Variants in FANCD2 observed in about 807,000 individuals in gnomAD.
FANCD2 encodes the protein FA complementation group D2, also known as Fanconi anemia group D2 protein.
Under a neutral mutation model 192.3 loss-of-function variants are expected in FANCD2, and 131 were observed. The ratio of observed to expected loss-of-function variants is 0.68; its 90% CI spans 0.59 to 0.79. The LOEUF is 0.79. Ranked by LOEUF, FANCD2 falls within the 30% of genes least tolerant of loss-of-function variation. FANCD2 has a pLI of 0.00. For synonymous variants in FANCD2, 524 were observed against 612.5 expected (o/e 0.86, Z 2.13); for missense variants, 1,508 against 1,701.6 (o/e 0.89, Z 2.00).
At chr3:10,039,149 A>G (rs1559372855) in intron 7 of FANCD2, 130 bp from the exon 8 acceptor site, 3 of 619,232 alleles carry the variant, frequency 4.8e-6, no homozygotes, top group East Asian at 5.6e-5. Context: ...TGTCTAGTGC[A>G]GTGCCGAATG....
In FANCD2 at chr3:10,034,108, G is replaced by A. The variant is rs569367578; in HGVS notation, c.206-361G>A. Among the ~76,000 whole-genome samples, 429 of 150,660 alleles carry A rather than the reference G, an allele frequency of 2.8e-3. 1 individual carries two copies. The highest frequency in any genetic ancestry group is 4.9e-3 in the Non-Finnish European group (333 of 67,586). ...GGAGGCTGAGGAGGGTGGATCACGA[G>A]GTCAGGAAATCGAGACCATCCTGGC... On this transcript the variant is annotated intron_variant, in intron 3 of 43. Coordinates refer to ENST00000675286, the MANE Select transcript of FANCD2 (RefSeq NM_001018115.3).
rs1693427580 is a variant in FANCD2, at chr3:10,074,526, A to G, written c.2716-4A>G. On this transcript the variant is annotated splice_polypyrimidine_tract_variant and splice_region_variant and intron_variant, in intron 28 of 43. Coordinates refer to ENST00000675286, the MANE Select transcript of FANCD2 (RefSeq NM_001018115.3). ...TTCTCTTTGTTGCTGTGACTTCCCC[A>G]TAGGAGTTCACAGGGAAGGAAGAAA... 1 of 1,612,106 alleles carries G rather than the reference A, an allele frequency of 6.2e-7. No individual in the cohort carries two copies. The highest frequency in any genetic ancestry group is 1.1e-5 in the South Asian group (1 of 91,016).
intron 7 of FANCD2, among the ~76,000 whole-genome samples, chr3:10,038,037 C>A (rs1305653437): frequency 6.6e-6 from 1 of 152,172 alleles, no homozygotes; most frequent in Non-Finnish European, 1.5e-5. Flanking sequence ...GTTGCCCAGG[C>A]TAGAGTACAG....
chr3:10,076,669 C>G (rs986578196), intron 29 of FANCD2, among the ~76,000 whole-genome samples: 4 of 152,124 alleles, frequency 2.6e-5, no homozygotes, highest in African/African-American at 9.7e-5. Context: ...CCCACCTCAG[C>G]CTTCCAAGTA....
chr3:10,031,833 A>G (rs2086610108), intron 2 of FANCD2, among the ~76,000 whole-genome samples: 1 of 152,114 alleles, frequency 6.6e-6, no homozygotes, highest in Non-Finnish European at 1.5e-5. Flanking sequence ...TAACTCTGGT[A>G]TATGGCATGG....
intron 19 of FANCD2, 105 bp downstream of exon 19, chr3:10,060,508 A>C: frequency 1.2e-6 from 1 of 832,826 alleles, no homozygotes; most frequent in Non-Finnish European, 2.0e-6. Flanking sequence ...TACAACTATA[A>C]ATGAGCAAAT....
chr3:10,091,013 G>A (rs973675493), intron 37 of FANCD2, among the ~76,000 whole-genome samples: 5 of 151,952 alleles, frequency 3.3e-5, no homozygotes, highest in African/African-American at 1.2e-4. Context: ...TAACCAGAAC[G>A]GAGCTAGACA....
intron 39 of FANCD2, 89 bp downstream of exon 39, chr3:10,093,412 C>G (rs1694768355): frequency 1.8e-6 from 2 of 1,138,972 alleles, no homozygotes; most frequent in South Asian, 1.2e-5. Context: ...TGCTCAATTT[C>G]TTGCCCACAA....
chr3:10,077,574 C>A (rs1693605482), intron 29 of FANCD2, among the ~76,000 whole-genome samples: 1 of 151,040 alleles, frequency 6.6e-6, no homozygotes, highest in Non-Finnish European at 1.5e-5. Flanking sequence ...ATTTTTTTTT[C>A]ACCCATTGGG....
intron 18 of FANCD2, 105 bp from the exon 19 acceptor site, chr3:10,060,189 G>A: frequency 1.4e-6 from 1 of 691,564 alleles, no homozygotes; most frequent in Non-Finnish European, 2.5e-6. Context: ...AAAACAGTTA[G>A]TAAACGGTAA....
In FANCD2 at chr3:10,067,254, A is replaced by G. The variant is rs2125038995; in HGVS notation, c.2431A>G (p.Lys811Glu). 1 of 1,613,754 alleles carries G rather than the reference A, an allele frequency of 6.2e-7. No homozygotes were observed. Among genetic ancestry groups the G allele is most frequent in the Non-Finnish European group, 8.5e-7 (1 of 1,179,694 alleles). Residue 811 changes from lysine (K) to glutamate (E), a missense_variant, in exon 26 of 44, where the codon AAG becomes GAG. This residue lies in a region of FANCD2 where 796 missense variants were observed against 879.4 expected (regional missense o/e 0.91). Coordinates refer to ENST00000675286, the MANE Select transcript of FANCD2 (RefSeq NM_001018115.3). ...CQETSPEMKG[K>E]VLTRLKHIVE... is the part of the protein sequence containing the mutation. ...GGAAACATCACCTGAGATGAAGGGG[A>G]AGGTGCTCACTCGGTTAAAGCACAT...
Position 10,101,268 on chromosome 3 carries a change from A to T in FANCD2, c.*6A>T, listed in dbSNP as rs1337123352. 5 of 1,599,902 alleles carry T rather than the reference A, an allele frequency of 3.1e-6. No homozygotes were observed. In the Admixed American group the frequency reaches 6.7e-5, roughly 21 times the overall value. On this transcript the variant is annotated 3_prime_UTR_variant, in exon 44 of 44. Coordinates refer to ENST00000675286, the MANE Select transcript of FANCD2 (RefSeq NM_001018115.3). Reference sequence around the variant, plus strand: ...GTTATGATGACTCTGATTAGACCCCAGATAAATTGTTGCCTGCTTCTGTGT... The same window carrying T: ...GTTATGATGACTCTGATTAGACCCCTGATAAATTGTTGCCTGCTTCTGTGT...
Position 10,085,906 on chromosome 3 carries a change from T to G in FANCD2, c.3319T>G (p.Leu1107Val), listed in dbSNP as rs1325146733. ...GAAACAGGGAGAACACAGCCAGCCT[T>G]TGGAGGAACTACTCAGGTGAGTCAT... is the stretch of plus-strand genomic sequence containing the variant. ...RLKQGEHSQPLEELLSQSVHY... is the reference protein window; with the variant it reads ...RLKQGEHSQPVEELLSQSVHY... The change falls in exon 33 of 44, where the codon TTG (leucine) becomes GTG (valine). Residue 1107 changes from leucine to valine, a missense_variant. Physicochemically the swap from Leu to Val is conservative, Grantham distance 32 (BLOSUM62 1). Coordinates refer to ENST00000675286, the MANE Select transcript of FANCD2 (RefSeq NM_001018115.3). The G allele has an allele frequency of 1.9e-6, 3 of 1,610,450 alleles. No individual in the cohort carries two copies. The highest frequency in any genetic ancestry group is 1.7e-4 in the Middle Eastern group (1 of 6,054).
intron 41 of FANCD2, 75 bp downstream of exon 41, chr3:10,095,349 G>A (rs547227726): frequency 1.7e-6 from 2 of 1,167,002 alleles, no homozygotes; most frequent in East Asian, 4.9e-5. Flanking sequence ...GGATCCATGG[G>A]CTACCATCCT....
intron 30 of FANCD2, among the ~76,000 whole-genome samples, chr3:10,080,877 T>G (rs1434537181): frequency 6.6e-6 from 1 of 152,232 alleles, no homozygotes; most frequent in South Asian, 2.1e-4. Flanking sequence ...GCTATATGTC[T>G]CAATCAAACA....
intron 3 of FANCD2, 89 bp from the exon 4 acceptor site, chr3:10,034,380 A>G: frequency 1.4e-6 from 1 of 710,208 alleles, no homozygotes; most frequent in Non-Finnish European, 2.5e-6. Flanking sequence ...AAATATTTTT[A>G]TTGGTTTCAT....
At chr3:10,098,430 C>T (rs1575876258) in intron 42 of FANCD2, among the ~76,000 whole-genome samples, 1 of 152,176 alleles carries the variant, frequency 6.6e-6, no homozygotes, top group East Asian at 1.9e-4. Flanking sequence ...TGTTCAGCAT[C>T]GACTTAGAGT....
At position 10,060,354 on chromosome 3, in the gene FANCD2, A is replaced by G. The variant is rs766529679; in HGVS notation, c.1717A>G (p.Ile573Val). The change falls in exon 19 of 44, where the codon ATT (isoleucine) becomes GTT (valine). Residue 573 changes from isoleucine (I) to valine (V), a missense_variant. Ile to Val is a conservative substitution (Grantham distance 29). Around this residue, in one of 5 missense-constraint regions of FANCD2, gnomAD observed 110 missense variants for 114.4 expected, o/e 0.96. Transcript: ENST00000675286. Reference protein sequence around the residue: ...LSSTVFKYKLIGIIGAVTMAG... With the variant: ...LSSTVFKYKLVGIIGAVTMAG... ...TAGCACCGTATTCAAGTACAAGCTCATTGGGATTATTGGTGCTGTGACCAT... is the reference window on the plus strand; with the variant it reads ...TAGCACCGTATTCAAGTACAAGCTCGTTGGGATTATTGGTGCTGTGACCAT... 6 of 1,613,232 alleles carry G rather than the reference A, an allele frequency of 3.7e-6. No individual in the cohort carries two copies. The East Asian group carries it at 1.1e-4, about 30-fold the overall frequency.
intron 18 of FANCD2, 100 bp downstream of exon 18, chr3:10,052,597 C>T: frequency 1.3e-6 from 1 of 793,216 alleles, no homozygotes; most frequent in Non-Finnish European, 2.2e-6. Context: ...CAGCTCATTG[C>T]AACCTCTGCC....
Sources: allele counts gnomAD v4.1 joint callset (sites outside exome capture counted in the v4.1 genomes callset), GRCh38; gene constraint gnomAD v4.1.1; regional missense constraint gnomAD v4.1.1; transcripts MANE v1.5; gene names NCBI Gene and HGNC (gene_info 2026-07-23, HGNC 2026-07-21).